Variants in CNTN5 observed in about 807,000 individuals in gnomAD.
CNTN5 encodes contactin-5.
CNTN5 carries 77 observed loss-of-function variants against 129.1 expected under a neutral mutation model. The observed-to-expected ratio is 0.60, with a 90% CI of 0.50 to 0.72. The LOEUF (loss-of-function observed/expected upper bound fraction) is 0.72, where lower values mean the gene tolerates loss of function less well. Among genes scored for constraint, CNTN5 ranks in the 30% least tolerant of loss-of-function variants. The pLI, the probability that CNTN5 is intolerant of heterozygous loss-of-function variation, is 0.00. For synonymous variants in CNTN5, 509 were observed against 465.6 expected (o/e 1.09, Z -1.20); for missense variants, 1,478 against 1,328.8 (o/e 1.11, Z -1.75).
intron 6 of CNTN5, among the ~76,000 whole-genome samples, chr11:99,915,662 G>GCCCAC (rs1439768174): frequency 1.4e-4 from 22 of 152,146 alleles, no homozygotes; most frequent in African/African-American, 5.3e-4. Context: ...GAAGAAGCCG[G>GCCCAC]TGGGACACCA....
rs111267307 is a variant in CNTN5 at position 99,792,538 on chromosome 11, G to GGT, written c.56-26969_56-26968dup. ...TATTGAGGATATTGGCCTGAAGAGGGGTGTGTGTGTGTGTGTGTGTGTGTG... is the reference window on the plus strand; with the variant it reads ...TATTGAGGATATTGGCCTGAAGAGGGGTGTGTGTGTGTGTGTGTGTGTGTGTG... On this transcript the variant is annotated intron_variant, in intron 3 of 24. Coordinates refer to ENST00000524871, the MANE Select transcript of CNTN5 (RefSeq NM_014361.4). Among the ~76,000 whole-genome samples the GGT allele has an allele frequency of 7.6e-3, 973 of 127,808 alleles. 6 individuals are homozygous for GGT. The highest frequency in any genetic ancestry group is 0.015 in the East Asian group (67 of 4,464). 83.8% of individuals were successfully genotyped at this position (127,808 alleles called of 152,430 possible).
intron 18 of CNTN5, among the ~76,000 whole-genome samples, chr11:100,294,012 T>A (rs1387013153): frequency 2.0e-5 from 3 of 151,842 alleles, no homozygotes; most frequent in Middle Eastern, 6.8e-3. Context: ...CTACCTTTGC[T>A]ATATAAACTC....
intron 7 of CNTN5, among the ~76,000 whole-genome samples, chr11:99,919,801 T>C (rs1253554699): frequency 2.4e-5 from 3 of 126,888 alleles, no homozygotes; most frequent in African/African-American, 6.8e-5. Flanking sequence ...TTTTCTAGAA[T>C]ATTTATTTTA....
intron 3 of CNTN5, among the ~76,000 whole-genome samples, chr11:99,793,344 C>G (rs888154414): frequency 2.2e-4 from 34 of 152,306 alleles, no homozygotes; most frequent in African/African-American, 7.7e-4. Context: ...CAGGCGTGAG[C>G]CACTGTGCCC....
chr11:99,182,775 A>G lies in CNTN5; in HGVS notation c.-209-142571A>G, dbSNP rs183952590. On this transcript the variant is annotated intron_variant, in intron 1 of 24. Transcript: ENST00000524871. Reference sequence around the variant, plus strand: ...CAATAACATTGTAACAGTTTGCTTCAGTAATAAAAATCTATTACAGCATAC... The same window carrying G: ...CAATAACATTGTAACAGTTTGCTTCGGTAATAAAAATCTATTACAGCATAC... Among the ~76,000 whole-genome samples, 3 of 152,344 alleles carry G rather than the reference A, an allele frequency of 2.0e-5. No individual in the cohort carries two copies. In the East Asian group the frequency reaches 5.8e-4, roughly 29 times the overall value.
chr11:99,214,284 C>T (rs1859998567), intron 1 of CNTN5, among the ~76,000 whole-genome samples: 1 of 151,428 alleles, frequency 6.6e-6, no homozygotes, highest in Non-Finnish European at 1.5e-5. Flanking sequence ...AGGGAAAACA[C>T]ATTTAAGTGT....
At chr11:99,144,806 G>A (rs1859698427) in intron 1 of CNTN5, among the ~76,000 whole-genome samples, 1 of 151,634 alleles carries the variant, frequency 6.6e-6, no homozygotes, top group South Asian at 2.1e-4. Context: ...TTCAGATCAT[G>A]ATTGTTTAAA....
intron 13 of CNTN5, among the ~76,000 whole-genome samples, chr11:100,081,283 T>C (rs1260267476): frequency 2.0e-5 from 3 of 152,280 alleles, no homozygotes; most frequent in African/African-American, 7.2e-5. Flanking sequence ...TAAGAATTGT[T>C]GACTTCTGGG....
chr11:99,986,064 C>T (rs533847278), intron 8 of CNTN5, among the ~76,000 whole-genome samples: 22 of 152,204 alleles, frequency 1.4e-4, no homozygotes, highest in Non-Finnish European at 2.8e-4. Context: ...ACTACTTCCA[C>T]TTAAACAATC....
At chr11:99,544,269 A>G (rs910236904) in intron 2 of CNTN5, among the ~76,000 whole-genome samples, 15 of 152,190 alleles carry the variant, frequency 9.9e-5, no homozygotes, top group African/African-American at 3.6e-4. Flanking sequence ...TCAAGATCCA[A>G]TCACCTCCCA....
intron 3 of CNTN5, among the ~76,000 whole-genome samples, chr11:99,673,273 A>G (rs992836651): frequency 6.6e-6 from 1 of 152,164 alleles, no homozygotes; most frequent in African/African-American, 2.4e-5. Flanking sequence ...TTTTATGGGC[A>G]TCATAGCATT....
intron 8 of CNTN5, among the ~76,000 whole-genome samples, chr11:99,982,521 AAAG>A (rs1225333414): frequency 1.3e-5 from 2 of 152,212 alleles, no homozygotes; most frequent in Non-Finnish European, 2.9e-5. Flanking sequence ...GAAATACTGA[AAAG>A]AATACAGGTA....
At chr11:99,710,589 GTGTGTGTGTGTGTA>G (rs1954942962) in intron 3 of CNTN5, among the ~76,000 whole-genome samples, 2 of 138,914 alleles carry the variant, frequency 1.4e-5, no homozygotes, top group Non-Finnish European at 3.2e-5. Flanking sequence ...GTGTGTGTGT[GTGTGTGTGTGTGTA>G]TGTATGTATG....
At chr11:99,350,846 C>A (rs554653379) in intron 2 of CNTN5, among the ~76,000 whole-genome samples, 1 of 152,074 alleles carries the variant, frequency 6.6e-6, no homozygotes, top group Non-Finnish European at 1.5e-5. Flanking sequence ...TGATAATTTT[C>A]TGTAGTGGGA....
intron 2 of CNTN5, among the ~76,000 whole-genome samples, chr11:99,387,192 A>T (rs560424841): frequency 2.0e-5 from 3 of 152,322 alleles, no homozygotes; most frequent in African/African-American, 7.2e-5. Context: ...CACCAAACTC[A>T]TAAGAAATGG....
chr11:99,974,466 A>G (rs1263908304), intron 8 of CNTN5, among the ~76,000 whole-genome samples: 1 of 152,192 alleles, frequency 6.6e-6, no homozygotes, highest in Non-Finnish European at 1.5e-5. Flanking sequence ...ATATTACCAG[A>G]AATCAAATTT....
intron 3 of CNTN5, among the ~76,000 whole-genome samples, chr11:99,763,420 C>T (rs2135291112): frequency 6.6e-6 from 1 of 152,110 alleles, no homozygotes; most frequent in Middle Eastern, 3.4e-3. Flanking sequence ...TTGATTTTAG[C>T]AATTTATCTT....
intron 3 of CNTN5, among the ~76,000 whole-genome samples, chr11:99,644,758 G>A (rs1292498038): frequency 6.6e-6 from 1 of 152,050 alleles, no homozygotes; most frequent in African/African-American, 2.4e-5. Flanking sequence ...ATTTAGCCTA[G>A]TAGATTTTTG....
At chr11:99,578,681 T>C (rs1269404224) in intron 3 of CNTN5, among the ~76,000 whole-genome samples, 5 of 150,990 alleles carry the variant, frequency 3.3e-5, no homozygotes, top group Non-Finnish European at 5.9e-5. Flanking sequence ...GGGTTGTTTG[T>C]CTTTTTCTTG....
Sources: gnomAD v4.1 joint callset for allele counts (sites outside exome capture counted in the v4.1 genomes callset) on GRCh38, gnomAD v4.1.1 for gene constraint, MANE v1.5 for transcripts, NCBI Gene and HGNC (gene_info 2026-07-23, HGNC 2026-07-21) for gene names.